The following ACTN4 variants were observed in gnomAD, a reference collection of about 807,000 sequenced individuals.
ACTN4 encodes actinin alpha 4.
A neutral mutation model predicts 114.2 loss-of-function variants in ACTN4; 18 were observed. The ratio of observed to expected loss-of-function variants is 0.16; its 90% CI spans 0.11 to 0.23. The LOEUF (loss-of-function observed/expected upper bound fraction) is 0.23, where lower values mean the gene tolerates loss of function less well. ACTN4 is among the 10% of genes least tolerant of loss of function. The pLI, the probability that ACTN4 is intolerant of heterozygous loss-of-function variation, is 1.00. For synonymous variants in ACTN4, 515 were observed against 506.3 expected (o/e 1.02, Z -0.23); for missense variants, 722 against 1,262.9 (o/e 0.57, Z 6.49).
intron 3 of ACTN4, 121 bp from the exon 4 acceptor site, chr19:38,704,813 A>C (rs1453895163): frequency 3.6e-6 from 3 of 827,552 alleles, no homozygotes; most frequent in Admixed American, 1.9e-5. Context: ...GGGAGATGCA[A>C]CCAGGGGGTG....
chr19:38,649,332 TAAAG>T (rs147146645), intron 1 of ACTN4, among the ~76,000 whole-genome samples: 1,399 of 117,302 alleles, frequency 0.012, 24 homozygotes, highest in African/African-American at 0.042. Flanking sequence ...CAGGAAGAGC[TAAAG>T]AAAGGAGCGT....
chr19:38,691,082 G>A (rs937644619), intron 1 of ACTN4, among the ~76,000 whole-genome samples: 1 of 152,156 alleles, frequency 6.6e-6, no homozygotes, highest in Non-Finnish European at 1.5e-5. Context: ...TATGAACAAA[G>A]AACATAGTTT....
Position 38,701,492 on chromosome 19 carries a change from G to C in ACTN4, c.397+371G>C, listed in dbSNP as rs112766191. On this transcript the variant is annotated intron_variant, in intron 3 of 20. Coordinates refer to ENST00000252699, the MANE Select transcript of ACTN4 (RefSeq NM_004924.6). ...CAAACATGTGCCATGGCCTCTCTCT[G>C]TACCAGGAACACCTTTCTCATTATG... Among the ~76,000 whole-genome samples the C allele has an allele frequency of 3.5e-3, 537 of 152,322 alleles. 5 individuals carry two copies. Among genetic ancestry groups the C allele is most frequent in the Middle Eastern group, 0.014 (4 of 294 alleles).
At chr19:38,720,493 C>T (rs1054359945) in intron 11 of ACTN4, among the ~76,000 whole-genome samples, 2 of 152,218 alleles carry the variant, frequency 1.3e-5, no homozygotes, top group African/African-American at 2.4e-5. Flanking sequence ...GCAGCAGGGC[C>T]GGTGGAGCCA....
rs1968603477 is a variant in ACTN4 at position 38,710,347 on chromosome 19, C to T, written c.819+5C>T. On this transcript the variant is annotated splice_donor_5th_base_variant and intron_variant, in intron 8 of 20. Transcript: ENST00000252699. ...GCCTTTTCAGGAGCGCAGAAGGTACCGAGCAGGGCCAGGCAGGCCCTCCTC... is the reference window on the plus strand; with the variant it reads ...GCCTTTTCAGGAGCGCAGAAGGTACTGAGCAGGGCCAGGCAGGCCCTCCTC... The T allele has an allele frequency of 3.1e-6, 5 of 1,613,244 alleles. No individual in the cohort carries two copies. The highest frequency in any genetic ancestry group is 2.2e-5 in the East Asian group (1 of 44,882).
chr19:38,658,903 C>T (rs962055840), intron 1 of ACTN4, among the ~76,000 whole-genome samples: 2 of 151,922 alleles, frequency 1.3e-5, no homozygotes, highest in Non-Finnish European at 2.9e-5. Flanking sequence ...AAAGGGCTGT[C>T]TCTAAATGTC....
intron 4 of ACTN4, 94 bp downstream of exon 4, chr19:38,705,114 T>C (rs936690688): frequency 2.4e-6 from 3 of 1,236,642 alleles, no homozygotes; most frequent in South Asian, 2.4e-5. Flanking sequence ...AGCCTCTTCC[T>C]GTTTCCTTGG....
At chr19:38,696,813 G>A (rs1264047466) in intron 1 of ACTN4, among the ~76,000 whole-genome samples, 3 of 152,186 alleles carry the variant, frequency 2.0e-5, no homozygotes, top group Non-Finnish European at 1.5e-5. Flanking sequence ...GTTCCCTTCT[G>A]CGTCATCCAG....
In ACTN4 at chr19:38,647,909, TGC is replaced by T; in HGVS notation, c.162+6_162+7del. The T allele has an allele frequency of 7.5e-7, 1 of 1,341,246 alleles. No homozygotes were observed. Among genetic ancestry groups the T allele is most frequent in the Admixed American group, 2.7e-5 (1 of 37,708 alleles). 83.1% of individuals were successfully genotyped at this position (1,341,246 alleles called of 1,614,324 possible). On this transcript the variant is annotated splice_donor_region_variant and intron_variant, in intron 1 of 20. Transcript: ENST00000252699. Reference sequence around the variant, plus strand: ...GCCTGGGAGAAGCAGCAGCGCAAGGTGCGCGGCCCGCGGGCCGGACGGGCTGG... The same window carrying T: ...GCCTGGGAGAAGCAGCAGCGCAAGGTGCGGCCCGCGGGCCGGACGGGCTGG...
At position 38,717,184 on chromosome 19, in the gene ACTN4, C is replaced by A. The variant is rs1968870021; in HGVS notation, c.1011C>A (p.Asp337Glu). The change falls in exon 10 of 21, where the codon GAC becomes GAA. Residue 337 changes from aspartate (D) to glutamate (E), a missense_variant. Asp to Glu is a conservative substitution (Grantham distance 45). This residue lies in a region of ACTN4 where 523 missense variants were observed against 875.9 expected (regional missense o/e 0.60). Coordinates refer to ENST00000252699, the MANE Select transcript of ACTN4 (RefSeq NM_004924.6). The surrounding 1 kb of genome is among the most constrained non-coding windows in gnomAD (Gnocchi z 4.0). ...AGCAGAAGCTGGAGGACTTCCGCGACTACCGGCGTGTGCACAAGCCGCCCA... is the reference window on the plus strand; with the variant it reads ...AGCAGAAGCTGGAGGACTTCCGCGAATACCGGCGTGTGCACAAGCCGCCCA... Reference protein sequence around the residue: ...EMQQKLEDFRDYRRVHKPPKV... With the variant: ...EMQQKLEDFREYRRVHKPPKV... 6.2e-7 allele frequency: 1 copy of A among 1,614,288 alleles called. No homozygotes were observed. The highest frequency in any genetic ancestry group is 1.1e-5 in the South Asian group (1 of 91,090).
chr19:38,648,051 T>C, intron 1 of ACTN4, 144 bp downstream of exon 1: 3 of 1,027,698 alleles, frequency 2.9e-6, no homozygotes, highest in Non-Finnish European at 2.6e-6. Context: ...GGGAAGGGAA[T>C]TGGAGTCCTG....
chr19:38,706,996 G>T (rs1421818647), intron 5 of ACTN4, among the ~76,000 whole-genome samples: 1 of 152,218 alleles, frequency 6.6e-6, no homozygotes, highest in Non-Finnish European at 1.5e-5. Context: ...CCTGAGGTCA[G>T]ATCCGGTTTG....
chr19:38,667,396 A>G (rs1396155473), intron 1 of ACTN4, among the ~76,000 whole-genome samples: 1 of 152,078 alleles, frequency 6.6e-6, no homozygotes, highest in East Asian at 1.9e-4. Context: ...GGAAAATCCT[A>G]GCGGGAGAAA....
At chr19:38,655,476 A>C (rs1484187050) in intron 1 of ACTN4, among the ~76,000 whole-genome samples, 7 of 151,680 alleles carry the variant, frequency 4.6e-5, no homozygotes, top group African/African-American at 7.3e-5. Flanking sequence ...GGTGTAGATA[A>C]CCCTTAAAAT....
At chr19:38,679,480 C>T (rs981440824) in intron 1 of ACTN4, among the ~76,000 whole-genome samples, 1 of 152,130 alleles carries the variant, frequency 6.6e-6, no homozygotes, top group Non-Finnish European at 1.5e-5. Context: ...CAGTGATTAT[C>T]AGCATTTTGC....
intron 11 of ACTN4, among the ~76,000 whole-genome samples, chr19:38,719,990 G>A (rs1042010186): frequency 1.3e-5 from 2 of 152,210 alleles, no homozygotes; most frequent in Non-Finnish European, 1.5e-5. Flanking sequence ...GCATCCACGC[G>A]GGTCTGCCCA....
intron 17 of ACTN4, among the ~76,000 whole-genome samples, chr19:38,726,321 A>T (rs1217174406): frequency 6.6e-6 from 1 of 151,908 alleles, no homozygotes; most frequent in Non-Finnish European, 1.5e-5. Flanking sequence ...AAAAGACTAG[A>T]TCAAAATGTT....
intron 1 of ACTN4, among the ~76,000 whole-genome samples, chr19:38,692,121 T>G (rs1165517718): frequency 6.6e-6 from 1 of 152,212 alleles, no homozygotes; most frequent in African/African-American, 2.4e-5. Flanking sequence ...AGCTTTTTCA[T>G]GCAGGCTGAG....
intron 8 of ACTN4, among the ~76,000 whole-genome samples, chr19:38,714,150 A>G (rs1275676171): frequency 1.3e-5 from 2 of 152,048 alleles, no homozygotes; most frequent in Admixed American, 6.6e-5. Flanking sequence ...CTTAGGTCCA[A>G]CGCAGCCGAC....
Sources: allele counts gnomAD v4.1 joint callset (sites outside exome capture counted in the v4.1 genomes callset), GRCh38; gene constraint gnomAD v4.1.1; regional missense constraint gnomAD v4.1.1; non-coding constraint Gnocchi (gnomAD v3.1); transcripts MANE v1.5; gene names NCBI Gene and HGNC (gene_info 2026-07-23, HGNC 2026-07-21).